The following AFF2 variants were observed in gnomAD, a reference collection of about 807,000 sequenced individuals.
The protein encoded by AFF2 is AF4/FMR2 family member 2.
AFF2 carries 14 observed loss-of-function variants against 76.9 expected under a neutral mutation model. That is an observed-to-expected ratio of 0.18 (90% confidence interval 0.12 to 0.28). The LOEUF (loss-of-function observed/expected upper bound fraction) is 0.28. AFF2 is among the 10% of genes least tolerant of loss of function. AFF2 has a pLI of 1.00. For synonymous variants in AFF2, 398 were observed against 366.7 expected (o/e 1.09, Z -0.98); for missense variants, 868 against 1,001.1 (o/e 0.87, Z 1.79).
intron 8 of AFF2, among the ~76,000 whole-genome samples, chrX:148,898,919 T>G (rs1557280602): frequency 8.9e-6 from 1 of 112,012 alleles, no homozygotes. Context: ...TCATTGATTA[T>G]TAGAAAAGAA....
At chrX:148,901,574 G>T (rs782125303) in intron 8 of AFF2, among the ~76,000 whole-genome samples, 1 of 112,092 alleles carries the variant, frequency 8.9e-6, no homozygotes, top group South Asian at 3.7e-4. Context: ...TCCTTTTGCA[G>T]TGTGTCTCAC....
At chrX:148,613,527 C>G (rs1473700540) in intron 1 of AFF2, among the ~76,000 whole-genome samples, 1 of 111,564 alleles carries the variant, frequency 9.0e-6, no homozygotes, top group Non-Finnish European at 1.9e-5. Context: ...GATGTATACT[C>G]CATTGCCATC....
chrX:148,673,889 G>A (rs2054451600), intron 3 of AFF2, among the ~76,000 whole-genome samples: 1 of 112,214 alleles, frequency 8.9e-6, no homozygotes, highest in South Asian at 3.7e-4. Flanking sequence ...ATATAATTGT[G>A]CAAAAATGAG....
At chrX:148,979,394 G>A (rs2072365923) in intron 18 of AFF2, among the ~76,000 whole-genome samples, 1 of 112,117 alleles carries the variant, frequency 8.9e-6, no homozygotes, top group South Asian at 3.8e-4. Flanking sequence ...TAGTATTGAT[G>A]TGGGTAAAAG....
chrX:148,953,209 A>G (rs1315444581), intron 9 of AFF2, among the ~76,000 whole-genome samples: 1 of 112,059 alleles, frequency 8.9e-6, no homozygotes, highest in East Asian at 2.8e-4. Context: ...AAAAATGAAA[A>G]ACTACCTTAA....
At chrX:148,819,693 G>A (rs2124649048) in intron 4 of AFF2, among the ~76,000 whole-genome samples, 1 of 111,242 alleles carries the variant, frequency 9.0e-6, no homozygotes, top group East Asian at 2.8e-4. Flanking sequence ...TTTGTTTCAT[G>A]TTATGGATTA....
intron 20 of AFF2, among the ~76,000 whole-genome samples, chrX:148,989,203 C>A (rs2072507859): frequency 8.9e-6 from 1 of 112,829 alleles, no homozygotes; most frequent in Non-Finnish European, 1.9e-5. Context: ...ATTTGCCTAG[C>A]ATGTCTGCCT....
Position 148,724,102 on chromosome X carries a change from C to T in AFF2, c.1041+61334C>T, listed in dbSNP as rs1004755363. 2.7e-5 allele frequency among the ~76,000 whole-genome samples: 3 copies of T among 109,583 alleles called. No individual in the cohort carries two copies. The Admixed American group carries it at 2.9e-4, about 11-fold the overall frequency. On this transcript the variant is annotated intron_variant, in intron 3 of 20. Coordinates refer to ENST00000370460, the MANE Select transcript of AFF2 (RefSeq NM_002025.4). ...CCGTTCCTAGCAAACAAAAGACTGT[C>T]AATTAACCTGAAACATGGAGAAAAG...
At chrX:148,783,025 G>A (rs1445502188) in intron 3 of AFF2, among the ~76,000 whole-genome samples, 1 of 111,871 alleles carries the variant, frequency 8.9e-6, no homozygotes, top group African/African-American at 3.2e-5. Flanking sequence ...GACGATCCTT[G>A]CTCCAGCCTT....
intron 7 of AFF2, among the ~76,000 whole-genome samples, chrX:148,878,232 T>C (rs1328334786): frequency 8.9e-6 from 1 of 111,881 alleles, no homozygotes; most frequent in Non-Finnish European, 1.9e-5. Flanking sequence ...CAGCCTAGTG[T>C]GAGGGAAGGC....
At chrX:148,696,031 C>A (rs2054718286) in intron 3 of AFF2, among the ~76,000 whole-genome samples, 1 of 112,083 alleles carries the variant, frequency 8.9e-6, no homozygotes, top group African/African-American at 3.2e-5. Flanking sequence ...AGAAACAAAT[C>A]TTTCCTTTCA....
intron 1 of AFF2, among the ~76,000 whole-genome samples, chrX:148,515,979 T>C (rs782325878): frequency 4.5e-5 from 5 of 112,116 alleles, no homozygotes; most frequent in African/African-American, 1.6e-4. Context: ...TCTTCTTTTT[T>C]GGATAGGTCA....
chrX:148,985,180 T>G (rs922145436), intron 19 of AFF2, among the ~76,000 whole-genome samples: 2 of 107,753 alleles, frequency 1.9e-5, no homozygotes, highest in Non-Finnish European at 3.8e-5. Context: ...AGACGGGGTT[T>G]CACCATGTTG....
At chrX:148,583,844 A>G (rs1557245453) in intron 1 of AFF2, among the ~76,000 whole-genome samples, 3 of 111,680 alleles carry the variant, frequency 2.7e-5, no homozygotes, top group African/African-American at 9.8e-5. Flanking sequence ...ACGGAAAAGT[A>G]CTTTCAGAAT....
intron 3 of AFF2, among the ~76,000 whole-genome samples, chrX:148,726,515 A>G (rs1408796928): frequency 8.9e-6 from 1 of 111,947 alleles, no homozygotes; most frequent in Non-Finnish European, 1.9e-5. Context: ...TGCCACTTTA[A>G]ACTCTGTTCT....
At chrX:148,567,538 T>C (rs2053182784) in intron 1 of AFF2, among the ~76,000 whole-genome samples, 2 of 111,529 alleles carry the variant, frequency 1.8e-5, no homozygotes, top group Non-Finnish European at 3.8e-5. Flanking sequence ...TGCTGAAGTA[T>C]CCCAGAATGA....
rs1371949912 is a variant in AFF2 at position 148,887,825 on chromosome X, G to T, written c.1359+1840G>T. On this transcript the variant is annotated intron_variant, in intron 8 of 20. Coordinates refer to ENST00000370460, the MANE Select transcript of AFF2 (RefSeq NM_002025.4). ...TCTAGCTGAGTCCTAGGAGCAAGATGTAGGCACAAGGTTATAAACATTTGC... is the reference window on the plus strand; with the variant it reads ...TCTAGCTGAGTCCTAGGAGCAAGATTTAGGCACAAGGTTATAAACATTTGC... Among the ~76,000 whole-genome samples the T allele has an allele frequency of 2.7e-5, 3 of 111,701 alleles. No homozygotes were observed. The South Asian group carries it at 1.1e-3, about 42-fold the overall frequency.
At chrX:148,597,190 G>C (rs1392077022) in intron 1 of AFF2, among the ~76,000 whole-genome samples, 2 of 111,474 alleles carry the variant, frequency 1.8e-5, no homozygotes, top group Non-Finnish European at 3.8e-5. Context: ...GCCGAAAAAT[G>C]CTTAATGTCT....
chrX:148,611,396 A>C (rs2053731044), intron 1 of AFF2, among the ~76,000 whole-genome samples: 1 of 112,344 alleles, frequency 8.9e-6, no homozygotes, highest in Non-Finnish European at 1.9e-5. Flanking sequence ...AAGATATATT[A>C]GTTTCCCATG....
Sources: gnomAD v4.1 joint callset for allele counts (sites outside exome capture counted in the v4.1 genomes callset) on GRCh38, gnomAD v4.1.1 for gene constraint, MANE v1.5 for transcripts, NCBI Gene and HGNC (gene_info 2026-07-23, HGNC 2026-07-21) for gene names.